MIGA2: variants seen among roughly 807,000 people sequenced by gnomAD.
The protein encoded by MIGA2 is family with sequence similarity 73, member B.
Under a neutral mutation model 69.9 loss-of-function variants are expected in MIGA2, and 36 were observed. That is an observed-to-expected ratio of 0.52 (90% CI 0.39 to 0.68). The LOEUF (loss-of-function observed/expected upper bound fraction) is 0.68. Ranked by LOEUF, MIGA2 falls within the 30% of genes least tolerant of loss-of-function variation. The pLI is 0.00. For synonymous variants in MIGA2, 333 were observed against 349.2 expected (o/e 0.95, Z 0.52); for missense variants, 660 against 787.7 (o/e 0.84, Z 1.94).
intron 4 of MIGA2, 108 bp downstream of exon 4, chr9:129,048,647 C>A: frequency 1.2e-6 from 1 of 822,060 alleles, no homozygotes; most frequent in Non-Finnish European, 2.0e-6. Flanking sequence ...CATTCATTCT[C>A]TCTCTCACTC....
Position 129,061,402 on chromosome 9 carries a change from C to T in MIGA2, c.1010+56C>T. 2.0e-6 allele frequency: 3 copies of T among 1,492,596 alleles called. No individual in the cohort carries two copies. The highest frequency in any genetic ancestry group is 2.7e-6 in the Non-Finnish European group (3 of 1,094,080). 92.5% of individuals were successfully genotyped at this position (1,492,596 alleles called of 1,614,324 possible). ...AGCAGGAGGCGATGGGTGATTCTGGCCCTTGCGGGAGGCGGAGAAGCCAGC... is the reference window on the plus strand; with the variant it reads ...AGCAGGAGGCGATGGGTGATTCTGGTCCTTGCGGGAGGCGGAGAAGCCAGC... On this transcript the variant is annotated intron_variant, in intron 9 of 15. Coordinates refer to ENST00000684074, the MANE Select transcript of MIGA2 (RefSeq NM_001329990.2). The surrounding 1 kb of genome is among the most constrained non-coding windows in gnomAD (Gnocchi z 5.0).
In MIGA2 at chr9:129,063,056, C is replaced by T. The variant is rs115549207; in HGVS notation, c.1011-188C>T. The T allele has an allele frequency of 3.2e-3, 1,934 of 610,068 alleles. 29 individuals are homozygous for T. The highest frequency in any genetic ancestry group is 0.032 in the African/African-American group (1,714 of 54,130). 37.8% of individuals were successfully genotyped at this position (610,068 alleles called of 1,614,324 possible). On this transcript the variant is annotated intron_variant, in intron 9 of 15. Coordinates refer to ENST00000684074, the MANE Select transcript of MIGA2 (RefSeq NM_001329990.2). ...TCCTCAGAGATCATCCAGGCAGCCT[C>T]GTCCTTTGGCCTGGGAAGACCAAGG...
intron 5 of MIGA2, 129 bp from the exon 6 acceptor site, chr9:129,049,698 A>C: frequency 1.4e-6 from 2 of 1,429,850 alleles, no homozygotes; most frequent in African/African-American, 1.4e-5. Context: ...GAACCTGAGC[A>C]GCCCAGGCCA....
chr9:129,063,165 C>T, intron 9 of MIGA2, 79 bp from the exon 10 acceptor site: 2 of 1,476,994 alleles, frequency 1.4e-6, no homozygotes, highest in Non-Finnish European at 1.9e-6. Context: ...TCCCCCCTCC[C>T]CACCCAGGTG....
At chr9:129,063,457 C>A in intron 10 of MIGA2, 88 bp from the exon 11 acceptor site, 3 of 1,559,996 alleles carry the variant, frequency 1.9e-6, no homozygotes, top group Non-Finnish European at 2.6e-6. Context: ...GGTGGGCCAC[C>A]TACCTGGCCT....
At chr9:129,043,571 GA>G (rs1845040611) in intron 3 of MIGA2, among the ~76,000 whole-genome samples, 1 of 151,734 alleles carries the variant, frequency 6.6e-6, no homozygotes, top group Non-Finnish European at 1.5e-5. Flanking sequence ...ATTTTTAGTA[GA>G]GACGGGATTT....
intron 1 of MIGA2, 127 bp from the exon 2 acceptor site, chr9:129,040,325 T>C (rs1390000300): frequency 1.8e-6 from 1 of 545,476 alleles, no homozygotes; most frequent in African/African-American, 2.0e-5. Flanking sequence ...GGGGCCTGAT[T>C]CCAGGCCTGG....
At chr9:129,055,653 T>C (rs1330519958) in intron 6 of MIGA2, among the ~76,000 whole-genome samples, 1 of 151,888 alleles carries the variant, frequency 6.6e-6, no homozygotes, top group African/African-American at 2.4e-5. Flanking sequence ...ATCAAGACCA[T>C]CCTGGCTAAC....
At chr9:129,049,196 C>A (rs1490933095) in intron 4 of MIGA2, among the ~76,000 whole-genome samples, 185 bp from the exon 5 acceptor site, 1 of 152,150 alleles carries the variant, frequency 6.6e-6, no homozygotes, top group Non-Finnish European at 1.5e-5. Context: ...CTATGAAGCA[C>A]CATCAGGCAG....
At chr9:129,051,642 C>G (rs529146771) in intron 6 of MIGA2, among the ~76,000 whole-genome samples, 1 of 151,406 alleles carries the variant, frequency 6.6e-6, no homozygotes, top group Non-Finnish European at 1.5e-5. Flanking sequence ...GCCGCCCAGG[C>G]TGGAGGTGCA....
intron 6 of MIGA2, among the ~76,000 whole-genome samples, chr9:129,058,496 CTTT>C (rs892590575): frequency 1.6e-4 from 19 of 117,516 alleles, no homozygotes; most frequent in African/African-American, 4.7e-4. Flanking sequence ...TTCTTTCTTT[CTTT>C]TTTTTTTTTT....
rs1248550810 is a variant in MIGA2 at position 129,061,248 on chromosome 9, G to A, written c.912G>A (p.Gln304=). Residue 304 remains glutamine (Q), a synonymous_variant, in exon 9 of 16, where the codon CAG becomes CAA. Transcript: ENST00000684074. The surrounding 1 kb of genome is among the most constrained non-coding windows in gnomAD (Gnocchi z 5.0). ...FSATELFESL[Q]TGDYPIPLSR... ...TCTCCCAGCTCTTTGAGTCCCTGCA[G>A]ACTGGAGATTACCCGATCCCACTCT... The A allele has an allele frequency of 6.2e-7, 1 of 1,611,600 alleles. No homozygotes were observed. The highest frequency in any genetic ancestry group is 2.2e-5 in the East Asian group (1 of 44,850).
intron 4 of MIGA2, 150 bp downstream of exon 4, chr9:129,048,689 C>T: frequency 1.5e-6 from 1 of 646,846 alleles, no homozygotes; most frequent in Non-Finnish European, 2.7e-6. Flanking sequence ...GGGATTGTCC[C>T]TAATCACTCA....
rs1012369913 is a variant in MIGA2 at position 129,061,034 on chromosome 9, TG to T, written c.895-193del. ...CCTTTTTGGGAGGGACCCCTGGAGA[TG>T]GGGATGCTGAGGGCCAGAACTGGGC... On this transcript the variant is annotated intron_variant, in intron 8 of 15. Coordinates refer to ENST00000684074, the MANE Select transcript of MIGA2 (RefSeq NM_001329990.2). The surrounding 1 kb of genome is among the most constrained non-coding windows in gnomAD (Gnocchi z 5.0). Among the ~76,000 whole-genome samples, 30 of 152,160 alleles carry T rather than the reference TG, an allele frequency of 2.0e-4. No individual in the cohort carries two copies. Among genetic ancestry groups the T allele is most frequent in the Admixed American group, 6.5e-5 (1 of 15,286 alleles).
In MIGA2 at chr9:129,068,953, C is replaced by A; in HGVS notation, c.1405-123C>A. ...AAGCAGCAGAGCTTAGGCACCTGGCCCCATCTTCCTGCTTGGAGTGGGGTG... is the reference window on the plus strand; with the variant it reads ...AAGCAGCAGAGCTTAGGCACCTGGCACCATCTTCCTGCTTGGAGTGGGGTG... On this transcript the variant is annotated intron_variant, in intron 13 of 15. Transcript: ENST00000684074. The surrounding 1 kb of genome is among the most constrained non-coding windows in gnomAD (Gnocchi z 4.1). The A allele has an allele frequency of 9.2e-7, 1 of 1,081,804 alleles. No homozygotes were observed. The highest frequency in any genetic ancestry group is 1.4e-6 in the Non-Finnish European group (1 of 705,798). The allele number at this position is 1,081,804 out of a possible 1,614,324, so 67.0% of individuals were successfully genotyped here.
rs749037537 is a variant in MIGA2, at chr9:129,042,429, G to A, written c.222G>A (p.Gln74=). The change falls in exon 3 of 16, where the codon CAG becomes CAA. Residue 74 remains glutamine (Q), a synonymous_variant. Transcript: ENST00000684074. ...AGAGGCGACGGAGGAGGAAGAAGCA[G>A]GTTGGTCCCGAGATGGGAGGGGAGC... The part of the protein sequence containing the change: ...QLKRRRRRKK[Q]VGPEMGGEQL... The A allele has an allele frequency of 2.2e-5, 36 of 1,612,822 alleles. No individual in the cohort carries two copies. In the South Asian group the frequency reaches 4.0e-4, roughly 18 times the overall value.
intron 11 of MIGA2, among the ~76,000 whole-genome samples, chr9:129,065,596 C>T (rs1042397915): frequency 1.2e-4 from 18 of 152,072 alleles, no homozygotes; most frequent in African/African-American, 2.9e-4. Flanking sequence ...GTGATCCACC[C>T]GCTTCAGCCT....
intron 2 of MIGA2, among the ~76,000 whole-genome samples, chr9:129,040,954 G>T (rs1248129907): frequency 1.3e-5 from 2 of 152,132 alleles, no homozygotes; most frequent in African/African-American, 4.8e-5. Context: ...ACTTTGGGAG[G>T]CCGGGACGGG....
intron 3 of MIGA2, among the ~76,000 whole-genome samples, chr9:129,047,527 C>T (rs1338685848): frequency 6.6e-6 from 1 of 152,100 alleles, no homozygotes; most frequent in Admixed American, 6.6e-5. Context: ...ATTCTCCTGC[C>T]TCAGCCTCCT....
Sources: gnomAD v4.1 joint callset for allele counts (sites outside exome capture counted in the v4.1 genomes callset) on GRCh38, gnomAD v4.1.1 for gene constraint, Gnocchi (gnomAD v3.1) non-coding constraint, MANE v1.5 for transcripts, NCBI Gene and HGNC (gene_info 2026-07-23, HGNC 2026-07-21) for gene names.